Variants in RAD51B observed in about 807,000 individuals in gnomAD.
RAD51B encodes the protein DNA repair protein RAD51 homolog 2.
A neutral mutation model predicts 42.2 loss-of-function variants in RAD51B; 38 were observed. The observed-to-expected ratio is 0.90, with a 90% CI of 0.70 to 1.18. The LOEUF (loss-of-function observed/expected upper bound fraction) is 1.18, where lower values mean the gene tolerates loss of function less well. RAD51B is among the 50% of genes most tolerant of loss of function. RAD51B has a pLI of 0.00. For synonymous variants in RAD51B, 154 were observed against 145.2 expected, an observed-to-expected ratio of 1.06 and a Z score of -0.43; for missense variants, 373 against 400.7, an observed-to-expected ratio of 0.93 and a Z score of 0.59.
intron 9 of RAD51B, among the ~76,000 whole-genome samples, chr14:68,465,165 C>T (rs954201277): frequency 2.0e-5 from 3 of 152,140 alleles, no homozygotes; most frequent in African/African-American, 7.2e-5. Context: ...GCTATTTACA[C>T]CCTTTTGGTT....
At chr14:68,503,275 G>A (rs138577054) in intron 10 of RAD51B, among the ~76,000 whole-genome samples, 5,321 of 152,272 alleles carry the variant, frequency 0.035, 171 homozygotes, top group Non-Finnish European at 0.046. Context: ...GAAATGAGCC[G>A]CCCAGGAGCA....
chr14:68,356,327 C>A (rs1243367953), intron 8 of RAD51B, among the ~76,000 whole-genome samples: 1 of 150,820 alleles, frequency 6.6e-6, no homozygotes. Flanking sequence ...CCCAGCTACT[C>A]CGGAGGCTGA....
Position 68,253,894 on chromosome 14 carries a change from T to C in RAD51B, c.757-37990T>C, listed in dbSNP as rs2080695460. Among the ~76,000 whole-genome samples the C allele has an allele frequency of 5.3e-5, 8 of 152,238 alleles. No individual in the cohort carries two copies. The South Asian group carries it at 1.7e-3, about 31-fold the overall frequency. ...TTTTACTGTTATAATTGGCCTCAAA[T>C]ATTATCCTGCTCTGTCTTAACAATT... On this transcript the variant is annotated intron_variant, in intron 7 of 10. Transcript: ENST00000471583.
At chr14:68,598,064 T>C (rs1321212996), downstream of RAD51B, among the ~76,000 whole-genome samples, 1 of 152,188 alleles carries the variant, frequency 6.6e-6, no homozygotes, top group Admixed American at 6.5e-5. Flanking sequence ...GGTCTGATTT[T>C]AAATCTAAAT....
At chr14:68,518,611 C>A (rs1178740996) in intron 10 of RAD51B, among the ~76,000 whole-genome samples, 3 of 148,186 alleles carry the variant, frequency 2.0e-5, no homozygotes, top group East Asian at 2.1e-4. Context: ...CGACACTCAG[C>A]CTTTTCATCC....
chr14:68,225,696 G>A (rs980697702), intron 7 of RAD51B, among the ~76,000 whole-genome samples: 1 of 152,172 alleles, frequency 6.6e-6, no homozygotes, highest in African/African-American at 2.4e-5. Flanking sequence ...GGAATTTAAA[G>A]AAACTGGGAT....
At chr14:68,593,762 A>G (rs1474646638) in intron 10 of RAD51B, among the ~76,000 whole-genome samples, 2 of 152,174 alleles carry the variant, frequency 1.3e-5, no homozygotes, top group East Asian at 3.9e-4. Flanking sequence ...CACCCAGGGA[A>G]GAAATATTGG....
chr14:68,058,365 T>C (rs2076513813), intron 7 of RAD51B, among the ~76,000 whole-genome samples: 1 of 152,166 alleles, frequency 6.6e-6, no homozygotes. Flanking sequence ...GTTTAATCAG[T>C]AGAGTAGGCA....
downstream of RAD51B, among the ~76,000 whole-genome samples, chr14:68,615,406 C>T (rs758701929): frequency 1.8e-4 from 27 of 151,592 alleles, no homozygotes; most frequent in Non-Finnish European, 3.1e-4. Flanking sequence ...AGTGCAGTGG[C>T]GTGATATCTG....
chr14:68,056,074 A>AT (rs2076469643), intron 7 of RAD51B, among the ~76,000 whole-genome samples: 2 of 152,020 alleles, frequency 1.3e-5, no homozygotes, highest in African/African-American at 4.8e-5. Flanking sequence ...ATAATGGTAC[A>AT]TTTTTTTCTT....
intron 10 of RAD51B, among the ~76,000 whole-genome samples, chr14:68,608,866 AC>A (rs1258264326): frequency 2.0e-5 from 3 of 151,912 alleles, no homozygotes; most frequent in African/African-American, 7.3e-5. Flanking sequence ...TTCCTCTGTC[AC>A]CCATCAGCTC....
chr14:68,219,214 T>G (rs747060062), intron 7 of RAD51B, among the ~76,000 whole-genome samples: 33 of 152,244 alleles, frequency 2.2e-4, no homozygotes, highest in Non-Finnish European at 2.2e-4. Flanking sequence ...GGATGCACTA[T>G]GAAGGAAACC....
intron 7 of RAD51B, chr14:68,125,535 G>C (rs2077738863): frequency 6.6e-6 from 1 of 152,212 alleles, no homozygotes; most frequent in Non-Finnish European, 1.5e-5. Flanking sequence ...CAATGCAAAT[G>C]ACTGTGCTTG....
At chr14:68,547,281 T>G (rs1404010901) in intron 10 of RAD51B, among the ~76,000 whole-genome samples, 2 of 152,222 alleles carry the variant, frequency 1.3e-5, no homozygotes, top group African/African-American at 4.8e-5. Context: ...ATTAACCTCC[T>G]TTCTCAGCAT....
intron 10 of RAD51B, among the ~76,000 whole-genome samples, chr14:68,575,415 A>G (rs762529206): frequency 2.0e-5 from 3 of 151,866 alleles, no homozygotes; most frequent in Non-Finnish European, 4.4e-5. Context: ...ACCAGATTTT[A>G]TTTTCCCCAG....
At chr14:68,513,497 T>A (rs11844674) in intron 10 of RAD51B, among the ~76,000 whole-genome samples, 1 of 152,234 alleles carries the variant, frequency 6.6e-6, no homozygotes, top group African/African-American at 2.4e-5. Context: ...CCAGCTGGGC[T>A]GTTTGGCCAC....
At chr14:67,904,851 T>C (rs1473009557) in intron 7 of RAD51B, among the ~76,000 whole-genome samples, 1 of 151,928 alleles carries the variant, frequency 6.6e-6, no homozygotes, top group East Asian at 1.9e-4. Context: ...AAATATTTTC[T>C]CCCTTTAGGT....
intron 10 of RAD51B, among the ~76,000 whole-genome samples, chr14:68,493,996 C>G (rs1254785040): frequency 1.3e-5 from 2 of 152,144 alleles, no homozygotes; most frequent in African/African-American, 4.8e-5. Context: ...CCAATTCTGG[C>G]TGGACGCAGT....
At chr14:68,317,130 A>G (rs1443311559) in intron 8 of RAD51B, among the ~76,000 whole-genome samples, 1 of 152,204 alleles carries the variant, frequency 6.6e-6, no homozygotes, top group Non-Finnish European at 1.5e-5. Context: ...CTTATATTTC[A>G]GAACATTTTC....
Sources: allele counts gnomAD v4.1 joint callset (sites outside exome capture counted in the v4.1 genomes callset), GRCh38; gene constraint gnomAD v4.1.1; transcripts MANE v1.5; gene names NCBI Gene and HGNC (gene_info 2026-07-23, HGNC 2026-07-21).